NCAPH2: variants seen among roughly 807,000 people sequenced by gnomAD.
NCAPH2 encodes the protein condensin-2 complex subunit H2.
A neutral mutation model predicts 88.6 loss-of-function variants in NCAPH2; 56 were observed. The observed-to-expected ratio is 0.63, with a 90% CI of 0.51 to 0.79. The LOEUF is 0.79. Among genes scored for constraint, NCAPH2 ranks in the 30% least tolerant of loss-of-function variants. The probability of loss-of-function intolerance (pLI) is 0.00; values close to 1 mark genes in which losing one functional copy is unlikely to be tolerated. For synonymous variants in NCAPH2, 378 were observed against 313.6 expected, an observed-to-expected ratio of 1.21 and a Z score of -2.17; for missense variants, 794 against 792.0, an observed-to-expected ratio of 1.00 and a Z score of -0.03.
rs558904142 is a variant in NCAPH2 at position 50,517,092 on chromosome 22, C to T, written c.211-335C>T. On this transcript the variant is annotated intron_variant, in intron 2 of 19. Transcript: ENST00000420993. Reference sequence around the variant, plus strand: ...TGCAGGCCGTCGGCAGAGTGGGTGCCAAGCACGAGGGGCCTCACCACCAAG... The same window carrying T: ...TGCAGGCCGTCGGCAGAGTGGGTGCTAAGCACGAGGGGCCTCACCACCAAG... Among the ~76,000 whole-genome samples, 12 of 152,260 alleles carry T rather than the reference C, an allele frequency of 7.9e-5. No homozygotes were observed. In the East Asian group the frequency reaches 1.6e-3, roughly 20 times the overall value.
rs567794981 is a variant in NCAPH2 at position 50,522,457 on chromosome 22, C to T, written c.1306+42C>T. 4.5e-5 allele frequency: 73 copies of T among 1,613,152 alleles called. No individual in the cohort carries two copies. In the Admixed American group the frequency reaches 6.3e-4, roughly 14 times the overall value. ...GGGTGGGGTGGGGCTTGGCACCTGC[C>T]GACTAGCTGCCTGCGTGCTGTTCAC... On this transcript the variant is annotated intron_variant, in intron 15 of 19. Transcript: ENST00000420993.
At chr22:50,518,603 T>C (rs2068994792) in intron 7 of NCAPH2, 46 bp from the exon 8 acceptor site, 1 of 1,548,880 alleles carries the variant, frequency 6.5e-7, no homozygotes, top group Non-Finnish European at 8.7e-7. Flanking sequence ...AGGGACCATC[T>C]TGGAGAGGGG....
In NCAPH2 at chr22:50,519,194, C is replaced by G. The variant is rs775083155; in HGVS notation, c.735C>G (p.Pro245=). The change falls in exon 9 of 20, where the codon CCC becomes CCG. Residue 245 remains proline, a synonymous_variant. Coordinates refer to ENST00000420993, the MANE Select transcript of NCAPH2 (RefSeq NM_152299.4). ...PALGFSQEPG[P]SPEGPMPLGG... ...ACTCTCTTGCTCCCTGCCTAGGCCC[C>G]TCTCCAGAAGGCCCGATGCCCCTGG... 4 of 1,608,244 alleles carry G rather than the reference C, an allele frequency of 2.5e-6. No homozygotes were observed. Among genetic ancestry groups the G allele is most frequent in the Non-Finnish European group, 2.5e-6 (3 of 1,178,194 alleles).
At position 50,517,655 on chromosome 22, in the gene NCAPH2, G is replaced by C; in HGVS notation, c.345G>C (p.Glu115Asp). The C allele has an allele frequency of 6.2e-7, 1 of 1,614,170 alleles. No individual in the cohort carries two copies. The highest frequency in any genetic ancestry group is 8.5e-7 in the Non-Finnish European group (1 of 1,180,038). The change falls in exon 4 of 20, where the codon GAG becomes GAC. Residue 115 changes from glutamate (E) to aspartate (D), a missense_variant. By Grantham distance (45) the Glu-to-Asp change is conservative. This residue lies in a region of NCAPH2 where 735 missense variants were observed against 696.3 expected (regional missense o/e 1.06). Coordinates refer to ENST00000420993, the MANE Select transcript of NCAPH2 (RefSeq NM_152299.4). The part of the protein sequence containing the change: ...VASSGVPQEA[E>D]NEFLSLDDFP... ...GCTCCGGGGTCCCCCAGGAGGCAGA[G>C]AATGAGGTGAGTTTCTTTGGCATGT...
At position 50,522,192 on chromosome 22, in the gene NCAPH2, C is replaced by A. The variant is rs1382782101; in HGVS notation, c.1174C>A (p.Leu392Met). 2.5e-6 allele frequency: 4 copies of A among 1,613,540 alleles called. No homozygotes were observed. In the African/African-American group the frequency reaches 5.3e-5, roughly 22 times the overall value. Residue 392 changes from leucine (L) to methionine (M), a missense_variant, in exon 14 of 20, where the codon CTG (leucine) becomes ATG (methionine). Leu to Met is a conservative substitution (Grantham distance 15). This residue lies in a region of NCAPH2 where 735 missense variants were observed against 696.3 expected (regional missense o/e 1.06). Coordinates refer to ENST00000420993, the MANE Select transcript of NCAPH2 (RefSeq NM_152299.4). ...GCCTTTGTCTGCAGACATGGAGGTC[C>A]TGTACTGGACACACGTGAAGGAGCA... ...KGPSFADMEV[L>M]YWTHVKEQLE...
chr22:50,510,538 C>G (rs1365022273), intron 1 of NCAPH2, among the ~76,000 whole-genome samples: 1 of 152,174 alleles, frequency 6.6e-6, no homozygotes, highest in Non-Finnish European at 1.5e-5. Context: ...AGCAATTCTC[C>G]TGCCTTGGCC....
intron 1 of NCAPH2, chr22:50,515,623 C>A: frequency 2.2e-6 from 2 of 924,324 alleles, no homozygotes; most frequent in Non-Finnish European, 2.9e-6. Context: ...GTCTCGATCT[C>A]CTGACCTCAT....
intron 2 of NCAPH2, 93 bp from the exon 3 acceptor site, chr22:50,517,334 C>T: frequency 1.5e-6 from 2 of 1,336,098 alleles, no homozygotes; most frequent in East Asian, 2.3e-5. Context: ...GTGGTGGTGG[C>T]CAGGCCTCGT....
chr22:50,511,587 G>A (rs747324778), intron 1 of NCAPH2, among the ~76,000 whole-genome samples: 12 of 141,734 alleles, frequency 8.5e-5, no homozygotes, highest in Non-Finnish European at 1.3e-4. Flanking sequence ...CACCGCGTCC[G>A]ATCCTGCCTC....
chr22:50,515,852 G>A (rs938874772), intron 1 of NCAPH2: 3 of 1,234,936 alleles, frequency 2.4e-6, no homozygotes, highest in Non-Finnish European at 3.2e-6. Flanking sequence ...CCAGAGCTAA[G>A]GAGAGAGAGC....
intron 1 of NCAPH2, among the ~76,000 whole-genome samples, chr22:50,515,398 A>G (rs1276451028): frequency 6.6e-6 from 1 of 150,780 alleles, no homozygotes; most frequent in African/African-American, 2.4e-5. Flanking sequence ...CTGTCTCTAC[A>G]AAAACATTTT....
chr22:50,516,344 C>T (rs575930096), intron 1 of NCAPH2, 103 bp from the exon 2 acceptor site: 46 of 1,014,368 alleles, frequency 4.5e-5, no homozygotes, highest in African/African-American at 1.6e-4. Flanking sequence ...CTGCCCGTCT[C>T]GGGAGGTGCT....
intron 1 of NCAPH2, among the ~76,000 whole-genome samples, chr22:50,516,032 C>CTGT (rs2068912942): frequency 2.0e-5 from 3 of 152,108 alleles, no homozygotes; most frequent in Non-Finnish European, 4.4e-5. Context: ...GGCGACTCAC[C>CTGT]TGTAACTGTT....
Position 50,510,850 on chromosome 22 carries a change from A to AT in NCAPH2, c.108+2419dup, listed in dbSNP as rs372833039. Among the ~76,000 whole-genome samples the AT allele has an allele frequency of 1.5e-3, 215 of 142,638 alleles. 2 individuals carry two copies. Among genetic ancestry groups the AT allele is most frequent in the South Asian group, 2.2e-3 (10 of 4,476 alleles). 93.6% of individuals were successfully genotyped at this position (142,638 alleles called of 152,430 possible). On this transcript the variant is annotated intron_variant, in intron 1 of 19. Transcript: ENST00000420993. ...AGAATGTTTATCATAAACCATTTAAATTTTTTTTTTTTTTGAGATGGAGTC... is the reference window on the plus strand; with the variant it reads ...AGAATGTTTATCATAAACCATTTAAATTTTTTTTTTTTTTTGAGATGGAGTC...
intron 1 of NCAPH2, among the ~76,000 whole-genome samples, chr22:50,513,659 G>T (rs1467935718): frequency 6.6e-6 from 1 of 152,250 alleles, no homozygotes; most frequent in East Asian, 1.9e-4. Flanking sequence ...TTACTTGGGA[G>T]GCTGAGGCAG....
intron 1 of NCAPH2, among the ~76,000 whole-genome samples, chr22:50,510,324 C>A (rs1291460785): frequency 6.6e-6 from 1 of 152,148 alleles, no homozygotes; most frequent in Non-Finnish European, 1.5e-5. Flanking sequence ...TGGTCTCAAA[C>A]TGCTGTGCTC....
chr22:50,513,492 C>CT (rs991942793), intron 1 of NCAPH2, among the ~76,000 whole-genome samples: 15 of 152,168 alleles, frequency 9.9e-5, no homozygotes, highest in Non-Finnish European at 1.6e-4. Flanking sequence ...GCCGAGGTGG[C>CT]TTACGCCTGT....
intron 10 of NCAPH2, 83 bp from the exon 11 acceptor site, chr22:50,521,460 G>A: frequency 7.1e-7 from 1 of 1,407,674 alleles, no homozygotes; most frequent in Non-Finnish European, 1.0e-6. Flanking sequence ...CTTTGGGAGG[G>A]TGGCTGTGCA....
chr22:50,519,397 C>T, intron 9 of NCAPH2, 77 bp downstream of exon 9: 1 of 1,581,564 alleles, frequency 6.3e-7, no homozygotes, highest in Non-Finnish European at 8.6e-7. Flanking sequence ...TCACCTTGCA[C>T]AAGGAGGACA....
Sources: allele counts gnomAD v4.1 joint callset (sites outside exome capture counted in the v4.1 genomes callset), GRCh38; gene constraint gnomAD v4.1.1; regional missense constraint gnomAD v4.1.1; transcripts MANE v1.5; gene names NCBI Gene and HGNC (gene_info 2026-07-23, HGNC 2026-07-21).